The following SKAP1 variants were observed in gnomAD, a reference collection of about 807,000 sequenced individuals.
The protein encoded by SKAP1 is src kinase-associated phosphoprotein 1.
SKAP1 carries 44 observed loss-of-function variants against 58.5 expected under a neutral mutation model. The observed-to-expected ratio is 0.75, with a 90% CI of 0.59 to 0.97. SKAP1 has a LOEUF of 0.97. Among genes scored for constraint, SKAP1 ranks in the 50% least tolerant of loss-of-function variants. The pLI is 0.00. For missense variants in SKAP1, 390 were observed against 435.2 expected (o/e 0.90, Z 0.92); for synonymous variants, 127 against 149.7 (o/e 0.85, Z 1.11).
At chr17:48,246,032 T>C (rs1051779259) in intron 4 of SKAP1, among the ~76,000 whole-genome samples, 1 of 152,020 alleles carries the variant, frequency 6.6e-6, no homozygotes, top group Non-Finnish European at 1.5e-5. Flanking sequence ...AAATTTACAA[T>C]AATAATGCCT....
chr17:48,440,320 C>T, the SKAP1 span, among the ~76,000 whole-genome samples: 1 of 152,200 alleles, frequency 6.6e-6, no homozygotes, highest in Non-Finnish European at 1.5e-5. Flanking sequence ...GGCAGCTCTA[C>T]ATATGGCAGT....
intron 3 of SKAP1, among the ~76,000 whole-genome samples, 164 bp downstream of exon 3, chr17:48,363,625 G>C (rs2066963735): frequency 6.6e-6 from 1 of 152,194 alleles, no homozygotes; most frequent in South Asian, 2.1e-4. Context: ...TAAAAAGCAG[G>C]GCAGGGGAGC....
At chr17:48,211,041 C>A (rs950714523) in intron 4 of SKAP1, among the ~76,000 whole-genome samples, 3 of 151,024 alleles carry the variant, frequency 2.0e-5, no homozygotes, top group Admixed American at 6.7e-5. Context: ...AATGGGAGGG[C>A]ACTTCATGCT....
chr17:48,160,961 A>C (rs1171336349), intron 11 of SKAP1, among the ~76,000 whole-genome samples: 3 of 152,212 alleles, frequency 2.0e-5, no homozygotes, highest in Admixed American at 2.0e-4. Context: ...TTGGAGCCAC[A>C]CAGAAATGGC....
At chr17:48,349,094 A>G (rs1484692461) in intron 3 of SKAP1, among the ~76,000 whole-genome samples, 1 of 152,224 alleles carries the variant, frequency 6.6e-6, no homozygotes, top group Non-Finnish European at 1.5e-5. Context: ...TACCATATAA[A>G]TATACACTCC....
intron 1 of SKAP1, among the ~76,000 whole-genome samples, chr17:48,425,636 A>G (rs2067847311): frequency 6.6e-6 from 1 of 152,214 alleles, no homozygotes; most frequent in Admixed American, 6.5e-5. Flanking sequence ...TACAAAGCCC[A>G]CACTTAAAGG....
At chr17:48,197,865 T>A (rs1288483489) in intron 4 of SKAP1, among the ~76,000 whole-genome samples, 53 of 152,310 alleles carry the variant, frequency 3.5e-4, no homozygotes, top group Admixed American at 3.4e-3. Flanking sequence ...ATGCTAATTG[T>A]CTAGGAGACC....
In SKAP1 at chr17:48,399,634, G is replaced by A. The variant is rs557978568; in HGVS notation, c.47-2849C>T. Among the ~76,000 whole-genome samples the A allele has an allele frequency of 5.3e-4, 81 of 152,084 alleles. 1 individual carries two copies. Among genetic ancestry groups the A allele is most frequent in the Non-Finnish European group, 9.9e-4 (67 of 67,986 alleles). ...TTTAAAAAATTGGCTGGGCATTGTG[G>A]TGCATGCCTGTAGTCCTAGCTACTC... On this transcript the variant is annotated intron_variant, in intron 1 of 12. Transcript: ENST00000336915.
intron 4 of SKAP1, among the ~76,000 whole-genome samples, chr17:48,245,553 TTAC>T (rs1215965460): frequency 6.6e-6 from 1 of 152,224 alleles, no homozygotes; most frequent in African/African-American, 2.4e-5. Context: ...AAGACAGCAC[TTAC>T]TATAATAAGT....
intron 4 of SKAP1, among the ~76,000 whole-genome samples, chr17:48,333,227 T>C (rs1167456351): frequency 6.6e-6 from 1 of 152,152 alleles, no homozygotes; most frequent in Non-Finnish European, 1.5e-5. Flanking sequence ...ACTTGTGCAA[T>C]TTCAGCTGTT....
chr17:48,313,806 T>G (rs955979269), intron 4 of SKAP1, among the ~76,000 whole-genome samples: 33 of 152,182 alleles, frequency 2.2e-4, no homozygotes, highest in Non-Finnish European at 5.9e-5. Context: ...ATAGAGTTAG[T>G]ATAATCAGTT....
rs145028402 is a variant in SKAP1, at chr17:48,419,461, T to C, written c.46+10614A>G. 5.2e-4 allele frequency among the ~76,000 whole-genome samples: 79 copies of C among 152,132 alleles called. 4 individuals carry two copies. The East Asian group carries it at 0.012, about 24-fold the overall frequency. ...CACCACACCCAGCTAATTTTTGTTT[T>C]TACTAGAGACGAGGTTTCACCATGT... is the stretch of plus-strand genomic sequence containing the variant. On this transcript the variant is annotated intron_variant, in intron 1 of 12. Transcript: ENST00000336915.
At chr17:48,255,254 T>A (rs1475811664) in intron 4 of SKAP1, among the ~76,000 whole-genome samples, 1 of 152,008 alleles carries the variant, frequency 6.6e-6, no homozygotes, top group Non-Finnish European at 1.5e-5. Context: ...CAGAATTATG[T>A]CTAAGAGTGG....
intron 4 of SKAP1, among the ~76,000 whole-genome samples, chr17:48,199,039 A>G (rs1331562218): frequency 6.6e-6 from 1 of 152,198 alleles, no homozygotes; most frequent in Non-Finnish European, 1.5e-5. Flanking sequence ...TTGAGAGCCT[A>G]TCTTTAAAAA....
intron 4 of SKAP1, among the ~76,000 whole-genome samples, chr17:48,191,204 G>A (rs749717611): frequency 9.9e-5 from 15 of 151,956 alleles, no homozygotes; most frequent in Admixed American, 6.6e-4. Context: ...AGGGACAAAG[G>A]ATGGAGACAA....
At chr17:48,368,946 A>G (rs1182802690) in intron 2 of SKAP1, among the ~76,000 whole-genome samples, 1 of 152,172 alleles carries the variant, frequency 6.6e-6, no homozygotes, top group Non-Finnish European at 1.5e-5. Flanking sequence ...TAAGTTCAAG[A>G]GCAGCCTGAC....
chr17:48,153,793 C>T (rs1404097094), intron 11 of SKAP1, among the ~76,000 whole-genome samples: 1 of 151,112 alleles, frequency 6.6e-6, no homozygotes, highest in Non-Finnish European at 1.5e-5. Context: ...TAACCCCCCA[C>T]CCATCCCCCA....
At chr17:48,145,673 C>T (rs777007282) in intron 11 of SKAP1, among the ~76,000 whole-genome samples, 3 of 152,042 alleles carry the variant, frequency 2.0e-5, no homozygotes, top group Non-Finnish European at 4.4e-5. Context: ...AACCAGCAGG[C>T]GCCTATCATA....
At chr17:48,379,302 A>C (rs2067186393) in intron 2 of SKAP1, among the ~76,000 whole-genome samples, 1 of 152,234 alleles carries the variant, frequency 6.6e-6, no homozygotes. Context: ...AAAATGATTT[A>C]ATACAAATGC....
Sources: allele counts gnomAD v4.1 joint callset (sites outside exome capture counted in the v4.1 genomes callset), GRCh38; gene constraint gnomAD v4.1.1; transcripts MANE v1.5; gene names NCBI Gene and HGNC (gene_info 2026-07-23, HGNC 2026-07-21).